KCNH6: variants seen among roughly 807,000 people sequenced by gnomAD.
KCNH6 encodes the protein voltage-gated inwardly rectifying potassium channel KCNH6.
KCNH6 carries 81 observed loss-of-function variants against 83.4 expected under a neutral mutation model. That is an observed-to-expected ratio of 0.97 (90% CI 0.81 to 1.17). The LOEUF (loss-of-function observed/expected upper bound fraction) is 1.17, where lower values mean the gene tolerates loss of function less well. Among genes scored for constraint, KCNH6 ranks in the 50% most tolerant of loss-of-function variants. The probability of loss-of-function intolerance (pLI) is 0.00; values close to 1 mark genes in which losing one functional copy is unlikely to be tolerated. For synonymous variants in KCNH6, 503 were observed against 545.6 expected (o/e 0.92, Z 1.09); for missense variants, 1,203 against 1,290.5 (o/e 0.93, Z 1.04).
chr17:63,543,717 C>T, intron 10 of KCNH6, 57 bp downstream of exon 10: 1 of 1,036,456 alleles, frequency 9.6e-7, no homozygotes, highest in Non-Finnish European at 1.5e-6. Flanking sequence ...AGCCTCCTAC[C>T]CCTCCCATGT....
chr17:63,530,260 AGAGT>A lies in KCNH6; in HGVS notation c.469+12_469+15del. 1 of 1,613,854 alleles carries A rather than the reference AGAGT, an allele frequency of 6.2e-7. No homozygotes were observed. Among genetic ancestry groups the A allele is most frequent in the South Asian group, 1.1e-5 (1 of 91,082 alleles). ...AGAGCTTCCTGGGCTCCGGTGAGGC[AGAGT>A]GAGGGTGGTGGTGGGAGGGACGCAT... is the stretch of plus-strand genomic sequence containing the variant. On this transcript the variant is annotated intron_variant, in intron 3 of 12. Transcript: ENST00000314672.
chr17:63,545,352 C>T (rs562445341), intron 12 of KCNH6, 88 bp downstream of exon 12: 25 of 1,375,686 alleles, frequency 1.8e-5, no homozygotes, highest in African/African-American at 2.9e-5. Flanking sequence ...AGCATCAGGC[C>T]CAGAGCCTCT....
In KCNH6 at chr17:63,524,281, C is replaced by T. The variant is rs1253170497; in HGVS notation, c.219C>T (p.Asn73=). Residue 73 remains asparagine, a synonymous_variant, in exon 2 of 13, where the codon AAC becomes AAT. Coordinates refer to ENST00000314672, the MANE Select transcript of KCNH6 (RefSeq NM_001278919.2). The stretch of plus-strand genomic sequence containing the variant: ...CCTGCGACTTCCTCACAGGCCCCAA[C>T]ACACCAAGCAGCGCCGTGTCCCGCC... ...PCTCDFLTGP[N]TPSSAVSRLA... The T allele has an allele frequency of 3.7e-6, 6 of 1,613,950 alleles. No individual in the cohort carries two copies. Among genetic ancestry groups the T allele is most frequent in the Middle Eastern group, 3.3e-4 (2 of 6,084 alleles).
chr17:63,534,371 C>T lies in KCNH6; in HGVS notation c.1101+60C>T. 4 of 1,497,170 alleles carry T rather than the reference C, an allele frequency of 2.7e-6. No homozygotes were observed. Among genetic ancestry groups the T allele is most frequent in the Non-Finnish European group, 3.6e-6 (4 of 1,099,470 alleles). The allele number at this position is 1,497,170 out of a possible 1,614,324, so 92.7% of individuals were successfully genotyped here. A position where few individuals can be genotyped will look rare whatever the true frequency, so the allele number is the denominator to read the frequency against. ...TGTCCTCTGCACGCTGGCCTCAAGC[C>T]CTCCCTGCTGCACAGCACTGGGTGC... On this transcript the variant is annotated intron_variant, in intron 5 of 12. Coordinates refer to ENST00000314672, the MANE Select transcript of KCNH6 (RefSeq NM_001278919.2). This position sits in a 1 kb window ranked among gnomAD's most constrained non-coding sequence, Gnocchi z 5.0.
chr17:63,523,452 T>G lies in KCNH6; in HGVS notation c.39T>G (p.Thr13=). 1 of 1,606,418 alleles carries G rather than the reference T, an allele frequency of 6.2e-7. No individual in the cohort carries two copies. Among genetic ancestry groups the G allele is most frequent in the Non-Finnish European group, 8.5e-7 (1 of 1,176,572 alleles). ...VRRGHVAPQN[T]YLDTIIRKFE... The stretch of plus-strand genomic sequence containing the variant: ...GGGGCCACGTCGCTCCCCAAAACAC[T>G]TACCTGGACACCATCATCCGCAAGT... The change falls in exon 1 of 13, where the codon ACT becomes ACG. Residue 13 remains threonine (T), a synonymous_variant. Coordinates refer to ENST00000314672, the MANE Select transcript of KCNH6 (RefSeq NM_001278919.2). The surrounding 1 kb of genome is among the most constrained non-coding windows in gnomAD (Gnocchi z 4.2).
At chr17:63,529,487 C>T (rs570372366) in intron 2 of KCNH6, among the ~76,000 whole-genome samples, 14 of 152,372 alleles carry the variant, frequency 9.2e-5, no homozygotes, top group African/African-American at 3.4e-4. Flanking sequence ...ACCCAGGGAT[C>T]CTCTCTCCAT....
In KCNH6 at chr17:63,535,128, C is replaced by T. The variant is rs188289274; in HGVS notation, c.1102-541C>T. 2.0e-5 allele frequency among the ~76,000 whole-genome samples: 3 copies of T among 152,328 alleles called. No homozygotes were observed. In the South Asian group the frequency reaches 6.2e-4, roughly 32 times the overall value. ...ATTTTCAGTGGCTTCCCAAGGCCTACAGACTAGAAGCCAAGTTCATGATGG... is the reference window on the plus strand; with the variant it reads ...ATTTTCAGTGGCTTCCCAAGGCCTATAGACTAGAAGCCAAGTTCATGATGG... On this transcript the variant is annotated intron_variant, in intron 5 of 12. Coordinates refer to ENST00000314672, the MANE Select transcript of KCNH6 (RefSeq NM_001278919.2). This position sits in a 1 kb window ranked among gnomAD's most constrained non-coding sequence, Gnocchi z 4.9.
At chr17:63,532,806 C>T (rs1252488410) in intron 4 of KCNH6, among the ~76,000 whole-genome samples, 2 of 152,188 alleles carry the variant, frequency 1.3e-5, no homozygotes, top group Non-Finnish European at 1.5e-5. Flanking sequence ...CGGCTCCATC[C>T]TTGTCTGGAG....
At chr17:63,536,651 A>C (rs2032515276) in intron 6 of KCNH6, among the ~76,000 whole-genome samples, 1 of 94,950 alleles carries the variant, frequency 1.1e-5, no homozygotes, top group African/African-American at 3.5e-5. Flanking sequence ...CTCAAAAAAG[A>C]AAAAAAAATT....
chr17:63,538,335 C>T lies in KCNH6; in HGVS notation c.1701+71C>T. The T allele has an allele frequency of 6.2e-7, 1 of 1,605,350 alleles. No individual in the cohort carries two copies. The highest frequency in any genetic ancestry group is 2.2e-5 in the East Asian group (1 of 44,702). On this transcript the variant is annotated intron_variant, in intron 7 of 12. Transcript: ENST00000314672. The surrounding 1 kb of genome is among the most constrained non-coding windows in gnomAD (Gnocchi z 4.0). ...CAAGATCCTGCGGGGGCGGGGCGTC[C>T]CCAGAGCCCTCACCACCCTCTCCCC...
rs2032697125 is a variant in KCNH6, at chr17:63,538,793, T to C, written c.1954+131T>C. ...TTTACTGGCAGCCACTTGCACAGCA[T>C]GTGCCCGGGAGAGCTTTAGACCCAG... On this transcript the variant is annotated intron_variant, in intron 8 of 12. Coordinates refer to ENST00000314672, the MANE Select transcript of KCNH6 (RefSeq NM_001278919.2). The surrounding 1 kb of genome is among the most constrained non-coding windows in gnomAD (Gnocchi z 4.0). 9 of 961,806 alleles carry C rather than the reference T, an allele frequency of 9.4e-6. No homozygotes were observed. In the East Asian group the frequency reaches 2.3e-4, roughly 25 times the overall value. The allele number at this position is 961,806 out of a possible 1,614,324, so 59.6% of individuals were successfully genotyped here. A position where few individuals can be genotyped will look rare whatever the true frequency, so the allele number is the denominator to read the frequency against.
Position 63,535,953 on chromosome 17 carries a change from G to A in KCNH6, c.1386G>A (p.Lys462=), listed in dbSNP as rs760738468. ...CCTCGGGCCCCTCGGTGCAGGACAA[G>A]TATGTCACAGCCCTCTACTTCACCT... ...DPASGPSVQD[K]YVTALYFTFS... Residue 462 remains lysine, a synonymous_variant, in exon 6 of 13, where the codon AAG becomes AAA. Coordinates refer to ENST00000314672, the MANE Select transcript of KCNH6 (RefSeq NM_001278919.2). This position sits in a 1 kb window ranked among gnomAD's most constrained non-coding sequence, Gnocchi z 4.9. 2.5e-6 allele frequency: 4 copies of A among 1,613,940 alleles called. No individual in the cohort carries two copies. The highest frequency in any genetic ancestry group is 1.6e-4 in the Middle Eastern group (1 of 6,062).
At position 63,530,561 on chromosome 17, in the gene KCNH6, G is replaced by A; in HGVS notation, c.675+19G>A. The A allele has an allele frequency of 6.2e-7, 1 of 1,612,544 alleles. No individual in the cohort carries two copies. The highest frequency in any genetic ancestry group is 1.1e-5 in the South Asian group (1 of 90,972). On this transcript the variant is annotated intron_variant, in intron 4 of 12. Transcript: ENST00000314672. ...CACCCAGGTGCGGGCCTGCAGAGCA[G>A]GGTGTGCAGAGCTGTGCCAGGCCTC...
chr17:63,524,617 C>G (rs974078542), intron 2 of KCNH6, among the ~76,000 whole-genome samples: 1 of 152,258 alleles, frequency 6.6e-6, no homozygotes, highest in Non-Finnish European at 1.5e-5. Flanking sequence ...GCTCTGCCAT[C>G]CCTCTGCTGT....
rs575801916 is a variant in KCNH6, at chr17:63,537,866, A to G, written c.1502-199A>G. Among the ~76,000 whole-genome samples the G allele has an allele frequency of 1.3e-4, 20 of 152,358 alleles. No individual in the cohort carries two copies. In the East Asian group the frequency reaches 3.3e-3, roughly 25 times the overall value. On this transcript the variant is annotated intron_variant, in intron 6 of 12. Transcript: ENST00000314672. The stretch of plus-strand genomic sequence containing the variant: ...GGCCCAGTAAGATGCCAAGAGGCAC[A>G]GGACAGAGGGAGGAGGGCAGAAAGC...
At position 63,523,738 on chromosome 17, in the gene KCNH6, T is replaced by C. The variant is rs1326690068; in HGVS notation, c.76+249T>C. 6.6e-6 allele frequency among the ~76,000 whole-genome samples: 1 copy of C among 152,112 alleles called. No homozygotes were observed. On this transcript the variant is annotated intron_variant, in intron 1 of 12. Coordinates refer to ENST00000314672, the MANE Select transcript of KCNH6 (RefSeq NM_001278919.2). The surrounding 1 kb of genome is among the most constrained non-coding windows in gnomAD (Gnocchi z 4.2). ...TCCCTCCCTACTGCCAGCTGTTTCCTTGGTGCCCCAAGTTCGAACCTCCCC... is the reference window on the plus strand; with the variant it reads ...TCCCTCCCTACTGCCAGCTGTTTCCCTGGTGCCCCAAGTTCGAACCTCCCC...
At position 63,545,077 on chromosome 17, in the gene KCNH6, G is replaced by A. The variant is rs188278466; in HGVS notation, c.2397-1G>A. The A allele has an allele frequency of 1.2e-6, 2 of 1,612,286 alleles. No homozygotes were observed. The highest frequency in any genetic ancestry group is 2.2e-5 in the East Asian group (1 of 44,886). On this transcript the variant is annotated splice_acceptor_variant, in intron 11 of 12. Coordinates refer to ENST00000314672, the MANE Select transcript of KCNH6 (RefSeq NM_001278919.2). LOFTEE classifies it high-confidence loss of function. ...CCTGACTGTGGGGTTCTGTCTGGCA[G>A]GCTGGAGTCCCGCGTGTCCTCAGAC...
In KCNH6 at chr17:63,534,792, C is replaced by T. The variant is rs1052269576; in HGVS notation, c.1101+481C>T. ...GTCCCACGGTCTCCTCTTGCCCCCT[C>T]TCCTCACGATCAGCTTTTCACTGAA... On this transcript the variant is annotated intron_variant, in intron 5 of 12. Coordinates refer to ENST00000314672, the MANE Select transcript of KCNH6 (RefSeq NM_001278919.2). The surrounding 1 kb of genome is among the most constrained non-coding windows in gnomAD (Gnocchi z 5.0). Among the ~76,000 whole-genome samples, 1 of 152,142 alleles carries T rather than the reference C, an allele frequency of 6.6e-6. No homozygotes were observed. The highest frequency in any genetic ancestry group is 1.5e-5 in the Non-Finnish European group (1 of 68,014).
In KCNH6 at chr17:63,538,431, T is replaced by C; in HGVS notation, c.1723T>C (p.Cys575Arg). Residue 575 changes from cysteine (C) to arginine (R), a missense_variant, in exon 8 of 13, where the codon TGC becomes CGC. Physicochemically the swap from Cys to Arg is radical, Grantham distance 180. Transcript: ENST00000314672. This position sits in a 1 kb window ranked among gnomAD's most constrained non-coding sequence, Gnocchi z 4.0. ...GCAGGTGCTGAAGGGCTTCCCCGAG[T>C]GCCTGCAGGCTGACATCTGCCTGCA... ...MNAVLKGFPE[C>R]LQADICLHLH... 1 of 1,601,540 alleles carries C rather than the reference T, an allele frequency of 6.2e-7. No individual in the cohort carries two copies. The highest frequency in any genetic ancestry group is 8.5e-7 in the Non-Finnish European group (1 of 1,174,790).
Sources: allele counts gnomAD v4.1 joint callset (sites outside exome capture counted in the v4.1 genomes callset), GRCh38; gene constraint gnomAD v4.1.1; non-coding constraint Gnocchi (gnomAD v3.1); transcripts MANE v1.5; gene names NCBI Gene and HGNC (gene_info 2026-07-23, HGNC 2026-07-21).